Variants in PARD3B observed in about 807,000 individuals in gnomAD.
PARD3B encodes the protein par-3 family cell polarity regulator beta.
Under a neutral mutation model 130.2 loss-of-function variants are expected in PARD3B, and 103 were observed. The ratio of observed to expected loss-of-function variants is 0.79; its 90% CI spans 0.67 to 0.93. PARD3B has a LOEUF of 0.93. PARD3B is among the 40% of genes least tolerant of loss of function. The probability of loss-of-function intolerance (pLI) is 0.00; values close to 1 mark genes in which losing one functional copy is unlikely to be tolerated. For missense variants in PARD3B, 1,609 were observed against 1,499.2 expected (o/e 1.07, Z -1.21); for synonymous variants, 583 against 553.2 (o/e 1.05, Z -0.76).
intron 2 of PARD3B, among the ~76,000 whole-genome samples, chr2:204,883,762 C>CG (rs2046168213): frequency 7.2e-6 from 1 of 138,158 alleles, no homozygotes; most frequent in African/African-American, 2.7e-5. Flanking sequence ...TTTTTTGAGA[C>CG]GGAGTTTTGC....
intron 2 of PARD3B, among the ~76,000 whole-genome samples, chr2:204,866,583 A>C (rs1170511975): frequency 2.0e-5 from 3 of 152,088 alleles, no homozygotes; most frequent in African/African-American, 7.2e-5. Context: ...ACAACAAAAA[A>C]ATACAGTCAA....
intron 2 of PARD3B, among the ~76,000 whole-genome samples, chr2:204,901,402 G>C (rs2046853023): frequency 6.6e-6 from 1 of 151,936 alleles, no homozygotes; most frequent in African/African-American, 2.4e-5. Context: ...GTACTACCTG[G>C]CTACTGCTGG....
At chr2:205,010,900 T>C (rs1350479220) in intron 3 of PARD3B, among the ~76,000 whole-genome samples, 4 of 152,212 alleles carry the variant, frequency 2.6e-5, no homozygotes, top group Non-Finnish European at 5.9e-5. Flanking sequence ...CTTCACATTG[T>C]CTGTTACTTC....
intron 16 of PARD3B, among the ~76,000 whole-genome samples, chr2:205,279,084 A>AAAAAAAAAAAAAC (rs1559616061): frequency 7.9e-4 from 118 of 149,840 alleles, no homozygotes; most frequent in African/African-American, 2.8e-3. Flanking sequence ...AAAAAAAAAA[A>AAAAAAAAAAAAAC]AAAAAAAAAA....
chr2:205,615,323 A>C lies in PARD3B; in HGVS notation c.3261-133A>C, dbSNP rs1284273078. The C allele has an allele frequency of 6.2e-6, 4 of 649,636 alleles. No individual in the cohort carries two copies. In the Admixed American group the frequency reaches 7.7e-5, roughly 13 times the overall value. 40.2% of individuals were successfully genotyped at this position (649,636 alleles called of 1,614,324 possible). A position where few individuals can be genotyped will look rare whatever the true frequency, so the allele number is the denominator to read the frequency against. On this transcript the variant is annotated intron_variant, in intron 22 of 22. Coordinates refer to ENST00000406610, the MANE Select transcript of PARD3B (RefSeq NM_001302769.2). ...TCTCTTCTTTTTAAGGGCACGTATCACTTCTGCTCCCATCCCATTGGCCAG... is the reference window on the plus strand; with the variant it reads ...TCTCTTCTTTTTAAGGGCACGTATCCCTTCTGCTCCCATCCCATTGGCCAG...
chr2:205,483,008 G>A (rs942680117), intron 20 of PARD3B, among the ~76,000 whole-genome samples: 2 of 151,976 alleles, frequency 1.3e-5, no homozygotes, highest in Admixed American at 6.6e-5. Context: ...AGACAAGTAG[G>A]AGGGGCATAC....
chr2:204,920,339 C>T (rs995340663), intron 2 of PARD3B, among the ~76,000 whole-genome samples: 12 of 152,100 alleles, frequency 7.9e-5, no homozygotes, highest in African/African-American at 1.9e-4. Context: ...AGATTCCAAT[C>T]GGATTTTTGT....
chr2:205,319,036 C>T (rs2042656424), intron 18 of PARD3B, among the ~76,000 whole-genome samples: 2 of 152,018 alleles, frequency 1.3e-5, no homozygotes, highest in Non-Finnish European at 2.9e-5. Context: ...CATATCCTCT[C>T]ACATATATGG....
intron 3 of PARD3B, among the ~76,000 whole-genome samples, chr2:205,030,409 T>A (rs549299662): frequency 6.6e-6 from 1 of 152,276 alleles, no homozygotes; most frequent in South Asian, 2.1e-4. Flanking sequence ...GCTGAAAAGT[T>A]GTTAGAGATA....
rs755511626 is a variant in PARD3B, at chr2:205,142,423, A to T, written c.1435-16299A>T. On this transcript the variant is annotated intron_variant, in intron 10 of 22. Coordinates refer to ENST00000406610, the MANE Select transcript of PARD3B (RefSeq NM_001302769.2). This position sits in a 1 kb window ranked among gnomAD's most constrained non-coding sequence, Gnocchi z 4.3. ...TGGGAGGGAACTTAAATACAATTTC[A>T]AAGAGGTATTGTGGCAGAGAAGTGT... 6.6e-6 allele frequency among the ~76,000 whole-genome samples: 1 copy of T among 152,216 alleles called. No individual in the cohort carries two copies. The highest frequency in any genetic ancestry group is 1.5e-5 in the Non-Finnish European group (1 of 68,034).
chr2:204,583,475 T>TG (rs2032670575), intron 1 of PARD3B, among the ~76,000 whole-genome samples: 1 of 74,734 alleles, frequency 1.3e-5, no homozygotes, highest in Non-Finnish European at 2.6e-5. Flanking sequence ...GGGACTGTGG[T>TG]GGGGTGGGGG....
chr2:205,418,299 T>C (rs1341679025), intron 19 of PARD3B, among the ~76,000 whole-genome samples: 1 of 152,170 alleles, frequency 6.6e-6, no homozygotes, highest in African/African-American at 2.4e-5. Context: ...CACTTTTGAC[T>C]TTTTAATTTT....
chr2:205,262,988 AG>A (rs2040372632), intron 16 of PARD3B, among the ~76,000 whole-genome samples: 1 of 152,116 alleles, frequency 6.6e-6, no homozygotes, highest in Non-Finnish European at 1.5e-5. Flanking sequence ...TTCTGGATCT[AG>A]GCATAGAATC....
chr2:205,212,952 G>A (rs907454001), intron 15 of PARD3B, among the ~76,000 whole-genome samples: 6 of 152,044 alleles, frequency 3.9e-5, no homozygotes, highest in Non-Finnish European at 7.4e-5. Context: ...CAATTCCATC[G>A]CCATTTTACA....
intron 18 of PARD3B, among the ~76,000 whole-genome samples, chr2:205,324,278 G>T (rs1189658585): frequency 6.6e-6 from 1 of 152,020 alleles, no homozygotes; most frequent in Non-Finnish European, 1.5e-5. Context: ...TAATATAAGT[G>T]TACTTGAAGT....
At chr2:205,431,427 T>C (rs371384826) in intron 19 of PARD3B, among the ~76,000 whole-genome samples, 26 of 152,276 alleles carry the variant, frequency 1.7e-4, no homozygotes, top group African/African-American at 6.3e-4. Context: ...TGGGAGCTCA[T>C]TGTGCTATTA....
chr2:204,604,722 A>G (rs1243492639), intron 1 of PARD3B, among the ~76,000 whole-genome samples: 2 of 152,176 alleles, frequency 1.3e-5, no homozygotes, highest in East Asian at 1.9e-4. Flanking sequence ...TAGTAGATTG[A>G]TATTTAGAGT....
At chr2:205,245,948 T>G in intron 16 of PARD3B, 126 bp downstream of exon 16, 1 of 718,682 alleles carries the variant, frequency 1.4e-6, no homozygotes, top group Non-Finnish European at 2.4e-6. Flanking sequence ...ACATGAGATG[T>G]CTCTGACTTC....
intron 1 of PARD3B, among the ~76,000 whole-genome samples, chr2:204,607,781 G>T (rs1253807632): frequency 6.6e-6 from 1 of 152,138 alleles, no homozygotes; most frequent in Non-Finnish European, 1.5e-5. Flanking sequence ...TGTACTAACA[G>T]ACTTCGCGAG....
Sources: allele counts gnomAD v4.1 joint callset (sites outside exome capture counted in the v4.1 genomes callset), GRCh38; gene constraint gnomAD v4.1.1; non-coding constraint Gnocchi (gnomAD v3.1); transcripts MANE v1.5; gene names NCBI Gene and HGNC (gene_info 2026-07-23, HGNC 2026-07-21).